Variants in FAF1 observed in about 807,000 individuals in gnomAD.
The protein encoded by FAF1 is FAS-associated factor 1.
In FAF1, 25 loss-of-function variants were observed where a neutral mutation model predicts 92.5. The observed-to-expected ratio is 0.27, with a 90% confidence interval of 0.20 to 0.38. FAF1 has a LOEUF of 0.38. FAF1 is among the 10% of genes least tolerant of loss of function. FAF1 has a pLI of 1.00. For missense variants in FAF1, 636 were observed against 793.3 expected (o/e 0.80, Z 2.38); for synonymous variants, 234 against 273.2 (o/e 0.86, Z 1.42).
intron 2 of FAF1, among the ~76,000 whole-genome samples, chr1:50,824,988 T>A (rs574788001): frequency 1.3e-5 from 2 of 152,146 alleles, no homozygotes; most frequent in East Asian, 3.9e-4. Flanking sequence ...GTTTAGTTAA[T>A]TAGTATAAAA....
At chr1:50,886,496 C>G in intron 1 of FAF1, among the ~76,000 whole-genome samples, 1 of 152,006 alleles carries the variant, frequency 6.6e-6, no homozygotes, top group Admixed American at 6.6e-5. Flanking sequence ...GTCATTTACA[C>G]TAGCTATATC....
At chr1:50,774,580 A>G (rs1660886760) in intron 4 of FAF1, among the ~76,000 whole-genome samples, 1 of 152,198 alleles carries the variant, frequency 6.6e-6, no homozygotes, top group Non-Finnish European at 1.5e-5. Context: ...AAGAGAAAAA[A>G]TAAGATAAAT....
intron 1 of FAF1, among the ~76,000 whole-genome samples, chr1:50,869,283 G>C (rs1468185204): frequency 6.6e-6 from 1 of 151,986 alleles, no homozygotes; most frequent in East Asian, 1.9e-4. Flanking sequence ...ACAGACTATA[G>C]TCAGGTCTTG....
chr1:50,937,634 T>C (rs1345212289), intron 1 of FAF1, among the ~76,000 whole-genome samples: 1 of 152,194 alleles, frequency 6.6e-6, no homozygotes, highest in African/African-American at 2.4e-5. Flanking sequence ...TATTTTGCCC[T>C]ATGACATATC....
intron 10 of FAF1, 130 bp downstream of exon 10, chr1:50,584,555 C>A: frequency 1.3e-6 from 1 of 795,144 alleles, no homozygotes; most frequent in Admixed American, 2.8e-5. Context: ...TGAAGAATGC[C>A]TACTCTCTAT....
chr1:50,600,390 C>T (rs1652039698), intron 8 of FAF1, among the ~76,000 whole-genome samples: 1 of 152,106 alleles, frequency 6.6e-6, no homozygotes, highest in Admixed American at 6.5e-5. Context: ...AGGTTTAATT[C>T]AAACTGTGAG....
chr1:50,951,380 A>T (rs56323917), intron 1 of FAF1, among the ~76,000 whole-genome samples: 1,945 of 152,380 alleles, frequency 0.013, 18 homozygotes, highest in Middle Eastern at 0.02. Context: ...GAACAAGTAC[A>T]TACCTTAAAA....
intron 6 of FAF1, among the ~76,000 whole-genome samples, chr1:50,734,733 CAA>C (rs71672961): frequency 2.0e-4 from 17 of 84,154 alleles, no homozygotes; most frequent in Non-Finnish European, 2.0e-4. Flanking sequence ...GACTCCATCT[CAA>C]AAAAAAAAAA....
intron 1 of FAF1, among the ~76,000 whole-genome samples, chr1:50,862,214 G>A (rs562316772): frequency 1.3e-5 from 2 of 151,716 alleles, no homozygotes; most frequent in East Asian, 3.9e-4. Context: ...AACCAACAAA[G>A]TATGTGGCCC....
intron 1 of FAF1, among the ~76,000 whole-genome samples, chr1:50,866,367 G>A (rs1404971683): frequency 6.6e-6 from 1 of 151,964 alleles, no homozygotes; most frequent in East Asian, 1.9e-4. Context: ...AAGAAATAAA[G>A]CACATCCAAA....
intron 4 of FAF1, among the ~76,000 whole-genome samples, chr1:50,778,671 GAGA>G (rs367645581): frequency 1.3e-5 from 2 of 152,176 alleles, no homozygotes; most frequent in African/African-American, 4.8e-5. Context: ...ACAAACTGAA[GAGA>G]AGGAGGAAGG....
At chr1:50,758,709 T>C (rs1158401595) in intron 4 of FAF1, among the ~76,000 whole-genome samples, 2 of 152,226 alleles carry the variant, frequency 1.3e-5, no homozygotes, top group Non-Finnish European at 2.9e-5. Flanking sequence ...ATCTGAAAAC[T>C]ATCTCCAGTC....
intron 2 of FAF1, among the ~76,000 whole-genome samples, chr1:50,816,860 T>C (rs1569995384): frequency 6.6e-6 from 1 of 152,216 alleles, no homozygotes; most frequent in African/African-American, 2.4e-5. Flanking sequence ...TTTTTGTGTA[T>C]GGTGAATGGT....
chr1:50,733,606 TTC>T (rs751345904), intron 6 of FAF1, among the ~76,000 whole-genome samples: 4 of 152,078 alleles, frequency 2.6e-5, no homozygotes, highest in African/African-American at 7.2e-5. Flanking sequence ...GAAACCAGAG[TTC>T]TCTCTCTCTC....
intron 3 of FAF1, among the ~76,000 whole-genome samples, chr1:50,801,171 CATT>C (rs1661975894): frequency 1.3e-5 from 2 of 152,154 alleles, no homozygotes; most frequent in Admixed American, 6.5e-5. Flanking sequence ...TGAAGAGTTG[CATT>C]ATTAAGAACT....
chr1:50,505,412 G>T (rs1191075180), intron 15 of FAF1, among the ~76,000 whole-genome samples: 1 of 152,172 alleles, frequency 6.6e-6, no homozygotes, highest in African/African-American at 2.4e-5. Context: ...CAGCTAAATG[G>T]TCTAGAGAAT....
At chr1:50,634,118 C>T (rs763804419) in intron 8 of FAF1, among the ~76,000 whole-genome samples, 53 of 152,128 alleles carry the variant, frequency 3.5e-4, no homozygotes, top group Non-Finnish European at 7.3e-4. Flanking sequence ...GATTAAGTCA[C>T]CTTGGGTTCA....
chr1:50,915,627 A>AT (rs879566778), intron 1 of FAF1, among the ~76,000 whole-genome samples: 80 of 146,990 alleles, frequency 5.4e-4, no homozygotes, highest in African/African-American at 7.9e-4. Flanking sequence ...AAAATAGGAG[A>AT]TTTTTTTTTT....
intron 8 of FAF1, among the ~76,000 whole-genome samples, chr1:50,653,176 A>G (rs926714050): frequency 7.2e-6 from 1 of 138,742 alleles, no homozygotes; most frequent in Non-Finnish European, 1.5e-5. Context: ...GAAAAACAAC[A>G]AAAAAAAAAC....
Sources: gnomAD v4.1 joint callset for allele counts (sites outside exome capture counted in the v4.1 genomes callset) on GRCh38, gnomAD v4.1.1 for gene constraint, MANE v1.5 for transcripts, NCBI Gene and HGNC (gene_info 2026-07-23, HGNC 2026-07-21) for gene names.